Variants in CACNA1B observed in about 807,000 individuals in gnomAD.
CACNA1B encodes voltage-dependent N-type calcium channel subunit alpha-1B.
Under a neutral mutation model 247.2 loss-of-function variants are expected in CACNA1B, and 70 were observed. The ratio of observed to expected loss-of-function variants is 0.28; its 90% confidence interval spans 0.23 to 0.35. The LOEUF (loss-of-function observed/expected upper bound fraction) is 0.35, where lower values mean the gene tolerates loss of function less well. Among genes scored for constraint, CACNA1B ranks in the 10% least tolerant of loss-of-function variants. The probability of loss-of-function intolerance (pLI) is 1.00; values close to 1 mark genes in which losing one functional copy is unlikely to be tolerated. For synonymous variants in CACNA1B, 1,231 were observed against 1,294.4 expected (o/e 0.95, Z 1.05); for missense variants, 2,367 against 3,197.4 (o/e 0.74, Z 6.26).
At chr9:137,925,816 C>T (rs1437316623) in intron 6 of CACNA1B, among the ~76,000 whole-genome samples, 3 of 150,720 alleles carry the variant, frequency 2.0e-5, no homozygotes, top group Non-Finnish European at 4.4e-5. Context: ...AATCTCGGCT[C>T]ACTGCAAGCT....
At position 137,956,802 on chromosome 9, in the gene CACNA1B, T is replaced by G. The variant is rs772371250; in HGVS notation, c.1218T>G (p.Asn406Lys). Residue 406 changes from asparagine to lysine, a missense_variant, in exon 9 of 47, where the codon AAT becomes AAG. Coordinates refer to ENST00000371372, the MANE Select transcript of CACNA1B (RefSeq NM_000718.4). ...TCATGCTGGCCGAGGAGGACAGGAA[T>G]GCAGAGGAGAAGTCCCCTTTGGACG... ...EEVMLAEEDRNAEEKSPLDVL... is the reference protein window; with the variant it reads ...EEVMLAEEDRKAEEKSPLDVL... The G allele has an allele frequency of 6.2e-7, 1 of 1,613,832 alleles. No individual in the cohort carries two copies. The highest frequency in any genetic ancestry group is 1.7e-5 in the Admixed American group (1 of 60,008).
At chr9:138,083,196 T>G (rs1387980319) in intron 36 of CACNA1B, among the ~76,000 whole-genome samples, 1 of 150,852 alleles carries the variant, frequency 6.6e-6, no homozygotes. Context: ...TACCTAGGAG[T>G]TGGAACTAGA....
intron 12 of CACNA1B, among the ~76,000 whole-genome samples, chr9:137,983,859 A>G (rs1308877145): frequency 7.9e-6 from 1 of 126,108 alleles, no homozygotes; most frequent in Admixed American, 1.0e-4. Context: ...CAGCAGGCCT[A>G]ACCTGGTCCA....
chr9:137,949,078 G>A (rs1230905458), intron 6 of CACNA1B, among the ~76,000 whole-genome samples: 1 of 70,304 alleles, frequency 1.4e-5, no homozygotes, highest in Non-Finnish European at 3.0e-5. Flanking sequence ...TAGTGTGTGT[G>A]GTGTGTGTGT....
intron 15 of CACNA1B, among the ~76,000 whole-genome samples, chr9:138,005,524 C>G (rs963072251): frequency 2.6e-5 from 4 of 152,106 alleles, no homozygotes; most frequent in Non-Finnish European, 4.4e-5. Flanking sequence ...ATAGAAGGAG[C>G]GAGTTCCTAG....
intron 6 of CACNA1B, among the ~76,000 whole-genome samples, chr9:137,927,298 C>T (rs1957562740): frequency 6.7e-6 from 1 of 149,180 alleles, no homozygotes; most frequent in South Asian, 2.1e-4. Context: ...GGCTGGAGTG[C>T]AATGGAACCC....
intron 15 of CACNA1B, among the ~76,000 whole-genome samples, chr9:137,988,782 G>A (rs886453784): frequency 1.7e-4 from 26 of 152,266 alleles, no homozygotes; most frequent in African/African-American, 5.8e-4. Flanking sequence ...AGCACTGGGG[G>A]AGGTACCTGG....
intron 12 of CACNA1B, 105 bp downstream of exon 12, chr9:137,976,124 T>C: frequency 1.4e-6 from 1 of 724,000 alleles, no homozygotes; most frequent in East Asian, 2.7e-5. Context: ...TCTGTGACCC[T>C]ACATGGGTCA....
intron 10 of CACNA1B, among the ~76,000 whole-genome samples, chr9:137,959,447 G>C (rs1957985540): frequency 6.6e-6 from 1 of 152,094 alleles, no homozygotes; most frequent in Non-Finnish European, 1.5e-5. Context: ...ATTTTATCTA[G>C]AGTTTTTATT....
At position 137,913,052 on chromosome 9, in the gene CACNA1B, C is replaced by G; in HGVS notation, c.531-128C>G. ...CACAGGTGCTGGCCCTGTGGTTGGACAGTGGGGACACAGGAATGAAGGTGT... is the reference window on the plus strand; with the variant it reads ...CACAGGTGCTGGCCCTGTGGTTGGAGAGTGGGGACACAGGAATGAAGGTGT... On this transcript the variant is annotated intron_variant, in intron 3 of 46. Transcript: ENST00000371372. The surrounding 1 kb of genome is among the most constrained non-coding windows in gnomAD (Gnocchi z 5.2). 1 of 704,464 alleles carries G rather than the reference C, an allele frequency of 1.4e-6. No individual in the cohort carries two copies. The highest frequency in any genetic ancestry group is 1.7e-5 in the South Asian group (1 of 57,474). 43.6% of individuals were successfully genotyped at this position (704,464 alleles called of 1,614,324 possible).
At chr9:137,923,115 T>C (rs1255331001) in intron 6 of CACNA1B, among the ~76,000 whole-genome samples, 1 of 152,204 alleles carries the variant, frequency 6.6e-6, no homozygotes. Flanking sequence ...GCATGTTTCC[T>C]TTTACTGCCA....
At chr9:137,987,671 G>A (rs1228090984) in intron 15 of CACNA1B, among the ~76,000 whole-genome samples, 1 of 152,154 alleles carries the variant, frequency 6.6e-6, no homozygotes, top group Non-Finnish European at 1.5e-5. Context: ...TACAACTTGT[G>A]TGAAGAGAGG....
intron 6 of CACNA1B, among the ~76,000 whole-genome samples, chr9:137,920,933 G>A (rs183399396): frequency 4.1e-4 from 62 of 152,276 alleles, no homozygotes; most frequent in African/African-American, 1.2e-3. Context: ...GGGTGGTGGC[G>A]GAACTCCAGG....
In CACNA1B at chr9:137,986,860, G is replaced by C. The variant is rs771403727; in HGVS notation, c.1974+6G>C. ...CCATCCTCACTGTCTTCCAGGTAAG[G>C]CACCTGCTCTGCACATTTGCGGCCT... On this transcript the variant is annotated splice_donor_region_variant and intron_variant, in intron 15 of 46. Coordinates refer to ENST00000371372, the MANE Select transcript of CACNA1B (RefSeq NM_000718.4). This position sits in a 1 kb window ranked among gnomAD's most constrained non-coding sequence, Gnocchi z 6.0. 1 of 1,611,834 alleles carries C rather than the reference G, an allele frequency of 6.2e-7. No individual in the cohort carries two copies. The highest frequency in any genetic ancestry group is 8.5e-7 in the Non-Finnish European group (1 of 1,178,102).
chr9:137,902,503 T>C (rs1372299264), intron 3 of CACNA1B, among the ~76,000 whole-genome samples: 1 of 152,254 alleles, frequency 6.6e-6, no homozygotes, highest in East Asian at 1.9e-4. Context: ...TTTCCTTTTT[T>C]CTATTGTTGT....
chr9:138,104,968 C>T (rs1035738845), intron 38 of CACNA1B, among the ~76,000 whole-genome samples: 9 of 152,252 alleles, frequency 5.9e-5, no homozygotes, highest in African/African-American at 1.9e-4. Flanking sequence ...ACAGGCTGTC[C>T]ACCTGAGAGG....
chr9:137,948,120 A>G (rs1957819717), intron 6 of CACNA1B, among the ~76,000 whole-genome samples: 1 of 151,536 alleles, frequency 6.6e-6, no homozygotes, highest in South Asian at 2.1e-4. Flanking sequence ...AGCTGGGATT[A>G]CAAGCATGCA....
At chr9:137,912,372 C>A (rs1180035134) in intron 3 of CACNA1B, among the ~76,000 whole-genome samples, 1 of 152,160 alleles carries the variant, frequency 6.6e-6, no homozygotes, top group African/African-American at 2.4e-5. Flanking sequence ...AGAGACCACA[C>A]CCTTTAAAGG....
Position 138,054,129 on chromosome 9 carries a change from G to A in CACNA1B, c.3968+123G>A, listed in dbSNP as rs1319390944. 7.7e-6 allele frequency: 7 copies of A among 914,148 alleles called. No homozygotes were observed. The highest frequency in any genetic ancestry group is 6.6e-5 in the African/African-American group (4 of 61,030). The allele number at this position is 914,148 out of a possible 1,614,324, so 56.6% of individuals were successfully genotyped here. A position where few individuals can be genotyped will look rare whatever the true frequency, so the allele number is the denominator to read the frequency against. On this transcript the variant is annotated intron_variant, in intron 26 of 46. Transcript: ENST00000371372. This position sits in a 1 kb window ranked among gnomAD's most constrained non-coding sequence, Gnocchi z 4.6. ...GGGAGACTCCACTGCAGAGCATCAC[G>A]GACCCTGCCTGAGGGCCGAGGAGGG...
Sources: allele counts gnomAD v4.1 joint callset (sites outside exome capture counted in the v4.1 genomes callset), GRCh38; gene constraint gnomAD v4.1.1; non-coding constraint Gnocchi (gnomAD v3.1); transcripts MANE v1.5; gene names NCBI Gene and HGNC (gene_info 2026-07-23, HGNC 2026-07-21).